LOC128462377: variants seen among roughly 807,000 people sequenced by gnomAD.
chr16:89,338,928 C>T, the LOC128462377 span, among the ~76,000 whole-genome samples: 349 of 152,112 alleles, frequency 2.3e-3, 4 homozygotes, highest in Non-Finnish European at 2.4e-3. Context: ...GATATAAATG[C>T]GTAATTTAAA....
At chr16:89,338,887 T>C in the LOC128462377 span, among the ~76,000 whole-genome samples, 1 of 152,000 alleles carries the variant, frequency 6.6e-6, no homozygotes, top group South Asian at 2.1e-4. Context: ...TGGAGCAAAA[T>C]AAGCCTAATT....
the LOC128462377 span, chr16:89,323,375 C>G: frequency 7.8e-7 from 1 of 1,281,574 alleles, no homozygotes; most frequent in Non-Finnish European, 1.0e-6. Flanking sequence ...CTCTCACCAT[C>G]TCAGTGGGCA....
the LOC128462377 span, among the ~76,000 whole-genome samples, chr16:89,375,493 CT>C: frequency 2.0e-5 from 3 of 151,492 alleles, no homozygotes; most frequent in Non-Finnish European, 2.9e-5. Context: ...GAGTTTCACT[CT>C]TGTCGCCCGG....
At chr16:89,346,364 G>C in the LOC128462377 span, among the ~76,000 whole-genome samples, 1 of 151,724 alleles carries the variant, frequency 6.6e-6, no homozygotes, top group Non-Finnish European at 1.5e-5. Context: ...CCCTAACCCA[G>C]ACTACAAGAC....
At chr16:89,414,023 C>T in the LOC128462377 span, among the ~76,000 whole-genome samples, 13 of 149,486 alleles carry the variant, frequency 8.7e-5, no homozygotes, top group Middle Eastern at 3.4e-3. Context: ...GCCACCACCA[C>T]GGGCCTGCAC....
At chr16:89,391,567 T>C in the LOC128462377 span, among the ~76,000 whole-genome samples, 10 of 152,118 alleles carry the variant, frequency 6.6e-5, no homozygotes, top group African/African-American at 2.2e-4. Context: ...AAAGGAAAAA[T>C]CTGAGTTTTC....
the LOC128462377 span, chr16:89,392,248 TATA>T: frequency 6.6e-6 from 1 of 152,268 alleles, no homozygotes; most frequent in Non-Finnish European, 1.5e-5. Flanking sequence ...CTGCAGAAGG[TATA>T]AAAAATGGCC....
At chr16:89,320,362 T>G in the LOC128462377 span, 1 of 152,180 alleles carries the variant, frequency 6.6e-6, no homozygotes, top group Admixed American at 6.5e-5. Flanking sequence ...CATTTCCAAG[T>G]TATCAGGCAA....
At chr16:89,332,787 G>T in the LOC128462377 span, among the ~76,000 whole-genome samples, 1 of 152,164 alleles carries the variant, frequency 6.6e-6, no homozygotes. Flanking sequence ...ACACCTCCAA[G>T]GAGGTTATCC....
chr16:89,415,203 C>G, the LOC128462377 span, among the ~76,000 whole-genome samples: 1 of 151,744 alleles, frequency 6.6e-6, no homozygotes, highest in African/African-American at 2.4e-5. Context: ...ATCTACCCAC[C>G]CCTTCCTCCC....
At chr16:89,360,233 G>A in the LOC128462377 span, among the ~76,000 whole-genome samples, 3 of 152,178 alleles carry the variant, frequency 2.0e-5, no homozygotes, top group Non-Finnish European at 4.4e-5. Context: ...TAAAAGACAT[G>A]ATCTCGTTCA....
the LOC128462377 span, among the ~76,000 whole-genome samples, chr16:89,384,575 C>T: frequency 4.0e-5 from 6 of 151,146 alleles, no homozygotes; most frequent in Admixed American, 2.6e-4. Context: ...CAGGATGGGA[C>T]GGGACGGGAT....
At chr16:89,352,547 G>C in the LOC128462377 span, among the ~76,000 whole-genome samples, 1 of 152,204 alleles carries the variant, frequency 6.6e-6, no homozygotes, top group Non-Finnish European at 1.5e-5. Context: ...CTGCCCCCAA[G>C]AGTGAGGCCC....
At chr16:89,318,775 C>T in the LOC128462377 span, among the ~76,000 whole-genome samples, 1 of 152,210 alleles carries the variant, frequency 6.6e-6, no homozygotes, top group African/African-American at 2.4e-5. Flanking sequence ...TACAAGAACA[C>T]AGGTGAAGTT....
chr16:89,396,404 G>A, the LOC128462377 span, among the ~76,000 whole-genome samples: 4 of 152,296 alleles, frequency 2.6e-5, no homozygotes, highest in East Asian at 7.7e-4. Flanking sequence ...CCAAAGGGAA[G>A]CCCTGAGACT....
the LOC128462377 span, among the ~76,000 whole-genome samples, chr16:89,415,850 A>AAAAAAAAAAAAAAAAAAAAAAAC: frequency 2.7e-5 from 4 of 147,382 alleles, no homozygotes; most frequent in Non-Finnish European, 6.0e-5. Context: ...AAAAAAAAAA[A>AAAAAAAAAAAAAAAAAAAAAAAC]CAATGGAGAA....
At chr16:89,323,292 G>C in the LOC128462377 span, 191 of 1,288,790 alleles carry the variant, frequency 1.5e-4, no homozygotes, top group Non-Finnish European at 1.9e-4. Context: ...CAAAGCCCTT[G>C]AGTGACACAC....
At chr16:89,360,723 G>GGTGT in the LOC128462377 span, 4 of 152,210 alleles carry the variant, frequency 2.6e-5, no homozygotes, top group Non-Finnish European at 5.9e-5. Context: ...CAAAACTCCA[G>GGTGT]GTGTGTGTGT....
At chr16:89,333,883 TG>T in the LOC128462377 span, among the ~76,000 whole-genome samples, 6 of 152,086 alleles carry the variant, frequency 3.9e-5, no homozygotes, top group African/African-American at 1.4e-4. Flanking sequence ...TCCCAGTATG[TG>T]GGCGTGTGTT....
Sources: gnomAD v4.1 joint callset for allele counts (sites outside exome capture counted in the v4.1 genomes callset) on GRCh38, gnomAD v4.1.1 for gene constraint, MANE v1.5 for transcripts.